DLGAP1: variants seen among roughly 807,000 people sequenced by gnomAD.
The protein encoded by DLGAP1 is DLG associated protein 1, also known as disks large-associated protein 1.
DLGAP1 carries 11 observed loss-of-function variants against 90.8 expected under a neutral mutation model. The ratio of observed to expected loss-of-function variants is 0.12; its 90% CI spans 0.08 to 0.20. The LOEUF (loss-of-function observed/expected upper bound fraction) is 0.20, where lower values mean the gene tolerates loss of function less well. Among genes scored for constraint, DLGAP1 ranks in the 10% least tolerant of loss-of-function variants. The pLI is 1.00. For missense variants in DLGAP1, 1,050 were observed against 1,333.8 expected (o/e 0.79, Z 3.31); for synonymous variants, 558 against 540.7 (o/e 1.03, Z -0.44).
At chr18:3,888,062 C>T (rs552323511) in intron 3 of DLGAP1, among the ~76,000 whole-genome samples, 13 of 133,724 alleles carry the variant, frequency 9.7e-5, no homozygotes, top group Admixed American at 3.5e-4. Context: ...GAGCCGAGAT[C>T]GCGCCACTGC....
intron 1 of DLGAP1, among the ~76,000 whole-genome samples, chr18:4,400,088 G>A (rs1053962129): frequency 3.3e-5 from 5 of 151,744 alleles, no homozygotes; most frequent in Admixed American, 6.6e-5. Flanking sequence ...CCCACCCCCC[G>A]CCAGGCATCC....
chr18:4,045,254 T>G (rs1280148713), intron 2 of DLGAP1, among the ~76,000 whole-genome samples: 1 of 151,130 alleles, frequency 6.6e-6, no homozygotes. Flanking sequence ...TCTCACTTTC[T>G]CCAATAAAAA....
At chr18:3,638,787 T>C (rs1310976468) in intron 7 of DLGAP1, among the ~76,000 whole-genome samples, 1 of 152,226 alleles carries the variant, frequency 6.6e-6, no homozygotes, top group Non-Finnish European at 1.5e-5. Context: ...ATATCATCAG[T>C]ACTTGATACC....
chr18:4,342,427 A>C lies in DLGAP1; in HGVS notation c.-267+112579T>G, dbSNP rs1040206460. 6.6e-6 allele frequency among the ~76,000 whole-genome samples: 1 copy of C among 152,208 alleles called. No individual in the cohort carries two copies. Among genetic ancestry groups the C allele is most frequent in the African/African-American group, 2.4e-5 (1 of 41,458 alleles). On this transcript the variant is annotated intron_variant, in intron 1 of 12. Transcript: ENST00000315677. This position sits in a 1 kb window ranked among gnomAD's most constrained non-coding sequence, Gnocchi z 5.8. ...TGGAAAGGAAATATCTTGCACTACT[A>C]AGACTAAATGGTTTTAAAACTCTGC... is the stretch of plus-strand genomic sequence containing the variant.
At chr18:4,198,339 C>T (rs1322061615) in intron 1 of DLGAP1, among the ~76,000 whole-genome samples, 1 of 152,144 alleles carries the variant, frequency 6.6e-6, no homozygotes, top group Admixed American at 6.5e-5. Flanking sequence ...GTGGAAGAAG[C>T]CAGAACCCAA....
chr18:4,105,332 C>A (rs2075841449), intron 2 of DLGAP1, among the ~76,000 whole-genome samples: 1 of 152,164 alleles, frequency 6.6e-6, no homozygotes. Flanking sequence ...CCTCCGTGCA[C>A]ACATGCCCAG....
rs181047833 is a variant in DLGAP1 at position 3,594,965 on chromosome 18, C to T, written c.1592-12717G>A. Among the ~76,000 whole-genome samples the T allele has an allele frequency of 9.6e-4, 146 of 152,352 alleles. 1 individual carries two copies. Among genetic ancestry groups the T allele is most frequent in the Admixed American group, 1.0e-3 (16 of 15,302 alleles). On this transcript the variant is annotated intron_variant, in intron 7 of 12. Transcript: ENST00000315677. Reference sequence around the variant, plus strand: ...GCAAGGATTACTTAGGATTTCCAGACTGCAGGCCCAGCTACCCAGAGAGTG... The same window carrying T: ...GCAAGGATTACTTAGGATTTCCAGATTGCAGGCCCAGCTACCCAGAGAGTG...
chr18:3,694,978 C>T (rs1377234320), intron 7 of DLGAP1, among the ~76,000 whole-genome samples: 16 of 105,934 alleles, frequency 1.5e-4, no homozygotes, highest in Admixed American at 1.2e-4. Flanking sequence ...CTTGTTCTGT[C>T]GCCCAGACTG....
intron 1 of DLGAP1, among the ~76,000 whole-genome samples, chr18:4,327,106 TTTC>T (rs2080836971): frequency 6.9e-6 from 1 of 145,036 alleles, no homozygotes; most frequent in African/African-American, 2.6e-5. Context: ...ATTTACAAAT[TTTC>T]GATTAGACAT....
In DLGAP1 at chr18:4,454,013, G is replaced by A. The variant is rs1222300817; in HGVS notation, c.-267+993C>T. Among the ~76,000 whole-genome samples the A allele has an allele frequency of 1.3e-5, 2 of 152,204 alleles. No individual in the cohort carries two copies. The highest frequency in any genetic ancestry group is 3.9e-4 in the East Asian group (2 of 5,176). ...CTGGAGGCAAGCCCTGCAGCCGGGG[G>A]CGAGCGCGGCACTCGGACACAGGCA... On this transcript the variant is annotated intron_variant, in intron 1 of 12. Transcript: ENST00000315677. The surrounding 1 kb of genome is among the most constrained non-coding windows in gnomAD (Gnocchi z 4.7).
intron 3 of DLGAP1, among the ~76,000 whole-genome samples, chr18:3,954,803 T>C (rs2073053425): frequency 1.3e-5 from 2 of 152,324 alleles, no homozygotes; most frequent in South Asian, 4.1e-4. Context: ...ATGATATAAC[T>C]GTTTGCAAAA....
chr18:3,602,573 C>A (rs1242293534), intron 7 of DLGAP1, among the ~76,000 whole-genome samples: 7 of 119,122 alleles, frequency 5.9e-5, no homozygotes, highest in African/African-American at 1.3e-4. Context: ...CCAGCCTGGG[C>A]GACAGAGCGA....
rs146962704 is a variant in DLGAP1 at position 3,848,625 on chromosome 18, T to G, written c.957+30487A>C. 7.6e-3 allele frequency among the ~76,000 whole-genome samples: 1,164 copies of G among 152,260 alleles called. 7 individuals are homozygous for G. Among genetic ancestry groups the G allele is most frequent in the Non-Finnish European group, 0.011 (739 of 67,996 alleles). Reference sequence around the variant, plus strand: ...ACTGGGCTCCTGTAGAGTTCTGTACTTCAGTGAATGGAACAACTGTCTTCT... The same window carrying G: ...ACTGGGCTCCTGTAGAGTTCTGTACGTCAGTGAATGGAACAACTGTCTTCT... On this transcript the variant is annotated intron_variant, in intron 4 of 12. Transcript: ENST00000315677.
intron 1 of DLGAP1, among the ~76,000 whole-genome samples, chr18:4,302,307 A>G (rs987889715): frequency 2.0e-5 from 3 of 152,056 alleles, no homozygotes; most frequent in Admixed American, 6.5e-5. Context: ...ATCCATTTCG[A>G]GTTGATTTTT....
chr18:3,811,569 G>A (rs1231387355), intron 5 of DLGAP1, among the ~76,000 whole-genome samples: 1 of 152,156 alleles, frequency 6.6e-6, no homozygotes, highest in Non-Finnish European at 1.5e-5. Flanking sequence ...TGTAAGTGGG[G>A]AGGGATGAAA....
At chr18:4,265,948 G>A (rs555732892) in intron 1 of DLGAP1, among the ~76,000 whole-genome samples, 23 of 151,668 alleles carry the variant, frequency 1.5e-4, no homozygotes, top group Non-Finnish European at 2.6e-4. Flanking sequence ...TCAGACTCCA[G>A]AAGTGCTAGG....
intron 4 of DLGAP1, among the ~76,000 whole-genome samples, chr18:3,832,859 G>GT (rs947492388): frequency 6.6e-6 from 1 of 151,918 alleles, no homozygotes; most frequent in Non-Finnish European, 1.5e-5. Context: ...GGCAGCTTAG[G>GT]TGCCCCCCCC....
chr18:3,602,008 CAAAT>C (rs909953978), intron 7 of DLGAP1, among the ~76,000 whole-genome samples: 5 of 151,544 alleles, frequency 3.3e-5, no homozygotes, highest in South Asian at 2.1e-4. Flanking sequence ...GACTCCTTCT[CAAAT>C]GAATGAATAA....
At position 3,769,744 on chromosome 18, in the gene DLGAP1, T is replaced by C. The variant is rs113165825; in HGVS notation, c.1173-27232A>G. Among the ~76,000 whole-genome samples the C allele has an allele frequency of 8.3e-3, 1,265 of 152,106 alleles. 9 individuals are homozygous for C. The highest frequency in any genetic ancestry group is 0.034 in the Middle Eastern group (10 of 294). The stretch of plus-strand genomic sequence containing the variant: ...TGGGTGTGGCTATAAAAGGGCAACA[T>C]GAGGGACCCATGCAATGATGGAAAT... On this transcript the variant is annotated intron_variant, in intron 5 of 12. Transcript: ENST00000315677.
Sources: gnomAD v4.1 joint callset for allele counts (sites outside exome capture counted in the v4.1 genomes callset) on GRCh38, gnomAD v4.1.1 for gene constraint, Gnocchi (gnomAD v3.1) non-coding constraint, MANE v1.5 for transcripts, NCBI Gene and HGNC (gene_info 2026-07-23, HGNC 2026-07-21) for gene names.